The following PDE4D variants were observed in gnomAD, a reference collection of about 807,000 sequenced individuals.
PDE4D encodes the protein phosphodiesterase 4D.
PDE4D carries 24 observed loss-of-function variants against 87.4 expected under a neutral mutation model. The ratio of observed to expected loss-of-function variants is 0.27; its 90% CI spans 0.20 to 0.39. PDE4D has a LOEUF of 0.39. Among genes scored for constraint, PDE4D ranks in the 10% least tolerant of loss-of-function variants. The pLI is 1.00. For missense variants in PDE4D, 714 were observed against 1,041.0 expected (o/e 0.69, Z 4.32); for synonymous variants, 384 against 383.2 (o/e 1.00, Z -0.02).
At chr5:59,418,797 T>C (rs547732496) in intron 1 of PDE4D, among the ~76,000 whole-genome samples, 47 of 152,230 alleles carry the variant, frequency 3.1e-4, no homozygotes, top group Admixed American at 8.5e-4. Context: ...TACAGGTGCA[T>C]GCCACCACAC....
At chr5:59,144,896 G>GGCC (rs5868158) in intron 5 of PDE4D, among the ~76,000 whole-genome samples, 1 of 132,650 alleles carries the variant, frequency 7.5e-6, no homozygotes, top group Non-Finnish European at 1.6e-5. Flanking sequence ...TTAATGGGGG[G>GGCC]GGGGGGGGGA....
intron 1 of PDE4D, among the ~76,000 whole-genome samples, chr5:59,725,879 G>A (rs1221642821): frequency 6.6e-6 from 1 of 151,868 alleles, no homozygotes; most frequent in African/African-American, 2.4e-5. Flanking sequence ...TTGGAATAAA[G>A]AAGACATTGA....
At chr5:60,409,305 C>T (rs535922949) in intron 1 of PDE4D, among the ~76,000 whole-genome samples, 1 of 152,104 alleles carries the variant, frequency 6.6e-6, no homozygotes, top group East Asian at 1.9e-4. Context: ...TTATTACATA[C>T]CCCAAAGCAG....
intron 6 of PDE4D, among the ~76,000 whole-genome samples, chr5:59,027,681 C>T (rs943409768): frequency 2.6e-5 from 4 of 152,028 alleles, no homozygotes; most frequent in Non-Finnish European, 5.9e-5. Context: ...AGTATATTCC[C>T]ACGGGTGTAG....
At chr5:60,346,658 G>A (rs1758770940) in intron 1 of PDE4D, among the ~76,000 whole-genome samples, 1 of 152,088 alleles carries the variant, frequency 6.6e-6, no homozygotes, top group African/African-American at 2.4e-5. Flanking sequence ...CCTCAGCTCT[G>A]CCACTAATTG....
intron 1 of PDE4D, among the ~76,000 whole-genome samples, chr5:60,221,718 C>T (rs1182269247): frequency 6.6e-6 from 1 of 152,042 alleles, no homozygotes; most frequent in Non-Finnish European, 1.5e-5. Flanking sequence ...TATATATTAT[C>T]TTTTTCTTCT....
intron 1 of PDE4D, among the ~76,000 whole-genome samples, chr5:59,759,061 TA>T (rs573772018): frequency 6.6e-6 from 1 of 151,554 alleles, no homozygotes; most frequent in Admixed American, 6.6e-5. Context: ...GCAAAACCAT[TA>T]AAAAAAAGAC....
intron 2 of PDE4D, among the ~76,000 whole-genome samples, chr5:60,094,662 A>G (rs558610595): frequency 6.8e-6 from 1 of 147,684 alleles, no homozygotes; most frequent in East Asian, 2.0e-4. Context: ...ATGGAAGACA[A>G]TGTGAAGAGA....
chr5:60,078,445 T>C (rs933155550), intron 2 of PDE4D, among the ~76,000 whole-genome samples: 1 of 152,178 alleles, frequency 6.6e-6, no homozygotes, highest in African/African-American at 2.4e-5. Flanking sequence ...AAAAACGGGA[T>C]ATATGCTCAG....
chr5:59,219,203 A>G (rs1035598360), intron 1 of PDE4D, among the ~76,000 whole-genome samples: 13 of 152,000 alleles, frequency 8.6e-5, no homozygotes, highest in African/African-American at 1.2e-4. Flanking sequence ...ATTAAAAAAA[A>G]AAAAGAAAAG....
intron 1 of PDE4D, among the ~76,000 whole-genome samples, chr5:59,274,989 A>G (rs1764532147): frequency 6.6e-6 from 1 of 152,166 alleles, no homozygotes; most frequent in African/African-American, 2.4e-5. Flanking sequence ...AAAGCCTGTC[A>G]ACCACCAGCC....
At chr5:59,229,353 G>A (rs567347367) in intron 1 of PDE4D, among the ~76,000 whole-genome samples, 2 of 152,014 alleles carry the variant, frequency 1.3e-5, no homozygotes, top group Non-Finnish European at 2.9e-5. Flanking sequence ...TTTTAATTTA[G>A]CTAGGAGTTG....
At chr5:59,653,402 C>T (rs998777441) in intron 1 of PDE4D, among the ~76,000 whole-genome samples, 2 of 151,972 alleles carry the variant, frequency 1.3e-5, no homozygotes, top group Non-Finnish European at 2.9e-5. Flanking sequence ...TGGGGTTTCG[C>T]CACTCCCTGC....
chr5:59,413,173 G>T (rs1313500193), intron 1 of PDE4D, among the ~76,000 whole-genome samples: 1 of 151,978 alleles, frequency 6.6e-6, no homozygotes, highest in East Asian at 1.9e-4. Context: ...AAATGCCATG[G>T]TTGGCTGGGC....
chr5:60,460,880 C>A (rs1291133900), intron 1 of PDE4D: 2 of 346,298 alleles, frequency 5.8e-6, no homozygotes, highest in East Asian at 5.8e-5. Flanking sequence ...ACTATTAATT[C>A]CATTCTTAAT....
chr5:59,194,876 A>G (rs1045388134), intron 2 of PDE4D, among the ~76,000 whole-genome samples: 1 of 152,226 alleles, frequency 6.6e-6, no homozygotes, highest in African/African-American at 2.4e-5. Flanking sequence ...TTTAATTGCC[A>G]TTGCAACAGT....
At chr5:60,063,164 A>AAGAAAGAAAAAG (rs796687132) in intron 2 of PDE4D, among the ~76,000 whole-genome samples, 5,078 of 127,600 alleles carry the variant, frequency 0.04, 371 homozygotes, top group East Asian at 0.17. Context: ...GAAGGAAAGA[A>AAGAAAGAAAAAG]AGAAAGAAAA....
At chr5:59,083,809 T>A (rs1767199854) in intron 5 of PDE4D, among the ~76,000 whole-genome samples, 1 of 152,090 alleles carries the variant, frequency 6.6e-6, no homozygotes, top group Admixed American at 6.6e-5. Context: ...TTTTTTTGTT[T>A]GGTTTGGTTT....
At chr5:59,664,560 C>T (rs1745760521) in intron 1 of PDE4D, among the ~76,000 whole-genome samples, 3 of 152,040 alleles carry the variant, frequency 2.0e-5, no homozygotes, top group Admixed American at 6.5e-5. Context: ...TAGGCAAATC[C>T]CAGACTCATT....
Sources: gnomAD v4.1 joint callset for allele counts (sites outside exome capture counted in the v4.1 genomes callset) on GRCh38, gnomAD v4.1.1 for gene constraint, MANE v1.5 for transcripts, NCBI Gene and HGNC (gene_info 2026-07-23, HGNC 2026-07-21) for gene names.